NHERF1: variants seen among roughly 807,000 people sequenced by gnomAD.
NHERF1 encodes the protein Na(+)/H(+) exchange regulatory cofactor NHE-RF1.
chr17:74,749,374 C>T, the NHERF1 span: 104 of 1,285,020 alleles, frequency 8.1e-5, no homozygotes, highest in East Asian at 2.8e-3. This position sits in a 1 kb window ranked among gnomAD's most constrained non-coding sequence, Gnocchi z 5.6. Context: ...CAGCCCCGCG[C>T]CCGCCGTCGT....
the NHERF1 span, chr17:74,763,557 G>C: frequency 1.3e-6 from 2 of 1,555,812 alleles, no homozygotes; most frequent in Admixed American, 1.9e-5. Context: ...CCTGGGGCTG[G>C]AGCCCCCCAA....
At chr17:74,751,795 G>T in the NHERF1 span, among the ~76,000 whole-genome samples, 1 of 152,248 alleles carries the variant, frequency 6.6e-6, no homozygotes, top group Non-Finnish European at 1.5e-5. This position sits in a 1 kb window ranked among gnomAD's most constrained non-coding sequence, Gnocchi z 4.3. Flanking sequence ...CAGAGTGCCG[G>T]CCGGGCAGAG....
chr17:74,766,680 C>T, the NHERF1 span, among the ~76,000 whole-genome samples: 2 of 152,000 alleles, frequency 1.3e-5, no homozygotes, highest in African/African-American at 4.8e-5. Context: ...CTTTGGGAGG[C>T]CAAGGTGGAA....
chr17:74,755,666 A>G, the NHERF1 span, among the ~76,000 whole-genome samples: 5 of 152,196 alleles, frequency 3.3e-5, no homozygotes, highest in East Asian at 9.7e-4. Context: ...GGTCAGGGGA[A>G]CAGCAATGGC....
At chr17:74,749,757 G>A in the NHERF1 span, among the ~76,000 whole-genome samples, 1 of 152,150 alleles carries the variant, frequency 6.6e-6, no homozygotes, top group African/African-American at 2.4e-5. The surrounding 1 kb of genome is among the most constrained non-coding windows in gnomAD (Gnocchi z 5.6). Context: ...TAGAGGAATA[G>A]CATTACTCCT....
At chr17:74,750,643 A>T in the NHERF1 span, among the ~76,000 whole-genome samples, 1 of 150,960 alleles carries the variant, frequency 6.6e-6, no homozygotes, top group South Asian at 2.1e-4. Flanking sequence ...GATGCCAGGG[A>T]GTTGGGGCCG....
At chr17:74,755,977 A>T in the NHERF1 span, among the ~76,000 whole-genome samples, 1 of 147,798 alleles carries the variant, frequency 6.8e-6, no homozygotes, top group Non-Finnish European at 1.5e-5. Flanking sequence ...TTTTGGAGGC[A>T]GAGTCTCGCT....
the NHERF1 span, chr17:74,763,003 T>G: frequency 3.2e-5 from 7 of 216,206 alleles, no homozygotes; most frequent in Admixed American, 2.1e-4. Flanking sequence ...GACTTCTCAT[T>G]TTACACGTGA....
At chr17:74,759,452 G>C in the NHERF1 span, among the ~76,000 whole-genome samples, 1 of 152,212 alleles carries the variant, frequency 6.6e-6, no homozygotes, top group African/African-American at 2.4e-5. Context: ...ACCAGGGCCA[G>C]AGGATGGGCA....
the NHERF1 span, among the ~76,000 whole-genome samples, chr17:74,766,761 A>T: frequency 2.3e-3 from 356 of 152,106 alleles, 1 homozygote; most frequent in Non-Finnish European, 3.9e-3. Context: ...ATAAAAAAAA[A>T]ATTTTTTTTA....
chr17:74,761,927 T>C, the NHERF1 span: 1 of 1,438,514 alleles, frequency 7.0e-7, no homozygotes, highest in Non-Finnish European at 9.7e-7. This position sits in a 1 kb window ranked among gnomAD's most constrained non-coding sequence, Gnocchi z 4.3. Context: ...CTTCCTTGGT[T>C]GGGGAGATGG....
the NHERF1 span, among the ~76,000 whole-genome samples, chr17:74,757,853 T>G: frequency 8.9e-4 from 135 of 152,334 alleles, no homozygotes; most frequent in African/African-American, 3.0e-3. Context: ...GGCACTGGTC[T>G]TCTTTGCATA....
chr17:74,756,663 T>G, the NHERF1 span, among the ~76,000 whole-genome samples: 1 of 152,172 alleles, frequency 6.6e-6, no homozygotes. Context: ...ACAGTGCTGC[T>G]CTGGATCTGA....
chr17:74,761,548 C>T, the NHERF1 span, among the ~76,000 whole-genome samples: 5 of 152,144 alleles, frequency 3.3e-5, no homozygotes, highest in African/African-American at 4.8e-5. The surrounding 1 kb of genome is among the most constrained non-coding windows in gnomAD (Gnocchi z 4.3). Flanking sequence ...CTGCAGAGAA[C>T]GGGGTACAAA....
At chr17:74,768,798 C>A in the NHERF1 span, 1 of 726,126 alleles carries the variant, frequency 1.4e-6, no homozygotes, top group Non-Finnish European at 2.3e-6. Flanking sequence ...TTCTAGAGAA[C>A]TATGTTCTTC....
the NHERF1 span, among the ~76,000 whole-genome samples, chr17:74,757,799 C>T: frequency 6.6e-6 from 1 of 152,228 alleles, no homozygotes; most frequent in South Asian, 2.1e-4. Context: ...GTCCTGCCCC[C>T]TTCCATCCTC....
chr17:74,766,455 G>A, the NHERF1 span, among the ~76,000 whole-genome samples: 2 of 151,716 alleles, frequency 1.3e-5, no homozygotes, highest in African/African-American at 2.4e-5. Flanking sequence ...CAGGTGCCTC[G>A]GCCTCCCAAA....
At chr17:74,750,307 G>A in the NHERF1 span, among the ~76,000 whole-genome samples, 1 of 152,194 alleles carries the variant, frequency 6.6e-6, no homozygotes, top group East Asian at 1.9e-4. Flanking sequence ...GAGTGGAGTG[G>A]TGCATTGTGT....
the NHERF1 span, among the ~76,000 whole-genome samples, chr17:74,761,514 A>T: frequency 6.6e-6 from 1 of 152,200 alleles, no homozygotes; most frequent in African/African-American, 2.4e-5. The surrounding 1 kb of genome is among the most constrained non-coding windows in gnomAD (Gnocchi z 4.3). Context: ...AGCTTTCAGT[A>T]AACACCTGCC....
Sources: gnomAD v4.1 joint callset for allele counts (sites outside exome capture counted in the v4.1 genomes callset) on GRCh38, gnomAD v4.1.1 for gene constraint, Gnocchi (gnomAD v3.1) non-coding constraint, MANE v1.5 for transcripts, NCBI Gene and HGNC (gene_info 2026-07-23, HGNC 2026-07-21) for gene names.